The following DLGAP1 variants were observed in gnomAD, a reference collection of about 807,000 sequenced individuals.
The protein encoded by DLGAP1 is disks large-associated protein 1.
Under a neutral mutation model 90.8 loss-of-function variants are expected in DLGAP1, and 11 were observed. The ratio of observed to expected loss-of-function variants is 0.12; its 90% CI spans 0.08 to 0.20. The LOEUF (loss-of-function observed/expected upper bound fraction) is 0.20. Ranked by LOEUF, DLGAP1 falls within the 10% of genes least tolerant of loss-of-function variation. DLGAP1 has a pLI of 1.00. For synonymous variants in DLGAP1, 558 were observed against 540.7 expected (o/e 1.03, Z -0.44); for missense variants, 1,050 against 1,333.8 (o/e 0.79, Z 3.31).
intron 1 of DLGAP1, among the ~76,000 whole-genome samples, chr18:4,235,485 A>C (rs2078388976): frequency 6.6e-6 from 1 of 152,032 alleles, no homozygotes; most frequent in African/African-American, 2.4e-5. Context: ...TAATCCATGA[A>C]ATTATCTAAG....
intron 1 of DLGAP1, among the ~76,000 whole-genome samples, chr18:4,239,663 C>G (rs1168613045): frequency 6.6e-6 from 1 of 152,182 alleles, no homozygotes; most frequent in Non-Finnish European, 1.5e-5. Context: ...TGTAGCATCT[C>G]AACACCCGTT....
At chr18:4,156,237 T>C (rs2076753940) in intron 1 of DLGAP1, among the ~76,000 whole-genome samples, 1 of 152,196 alleles carries the variant, frequency 6.6e-6, no homozygotes, top group African/African-American at 2.4e-5. Context: ...GGTGGCTGGA[T>C]ATACAACACC....
At chr18:3,842,931 C>T (rs78446681) in intron 4 of DLGAP1, among the ~76,000 whole-genome samples, 5,221 of 152,242 alleles carry the variant, frequency 0.034, 130 homozygotes, top group Non-Finnish European at 0.053. Context: ...TTGTTCCTCG[C>T]CCAGTTAATT....
intron 5 of DLGAP1, among the ~76,000 whole-genome samples, chr18:3,771,899 C>T (rs570594905): frequency 6.6e-5 from 10 of 151,848 alleles, no homozygotes; most frequent in Admixed American, 5.9e-4. Flanking sequence ...AAATTTCTAA[C>T]GCTGAAAGAA....
At chr18:3,559,440 G>T (rs1241635361) in intron 9 of DLGAP1, among the ~76,000 whole-genome samples, 1 of 151,706 alleles carries the variant, frequency 6.6e-6, no homozygotes, top group Non-Finnish European at 1.5e-5. Flanking sequence ...TTTCACCTTT[G>T]TTCTTTCTTC....
intron 1 of DLGAP1, among the ~76,000 whole-genome samples, chr18:4,338,029 C>T (rs1017782775): frequency 1.3e-5 from 2 of 152,092 alleles, no homozygotes; most frequent in African/African-American, 4.8e-5. Context: ...TATCTCTCTG[C>T]TGTATTTAAG....
chr18:4,109,189 A>T (rs1206623559), intron 2 of DLGAP1, among the ~76,000 whole-genome samples: 2 of 151,990 alleles, frequency 1.3e-5, no homozygotes, highest in Non-Finnish European at 2.9e-5. Flanking sequence ...CCTTTGGGGA[A>T]GTGGTTGTGT....
chr18:3,699,834 C>T (rs903931317), intron 7 of DLGAP1, among the ~76,000 whole-genome samples: 2 of 152,196 alleles, frequency 1.3e-5, no homozygotes, highest in East Asian at 1.9e-4. Flanking sequence ...AGATGCCCTG[C>T]CCAGAGAGGA....
intron 3 of DLGAP1, among the ~76,000 whole-genome samples, chr18:3,911,312 T>G (rs545132618): frequency 6.6e-6 from 1 of 152,334 alleles, no homozygotes; most frequent in South Asian, 2.1e-4. Context: ...TTGCATAAAT[T>G]ATCTCAAATG....
intron 1 of DLGAP1, among the ~76,000 whole-genome samples, chr18:4,272,670 T>C (rs1029078811): frequency 1.3e-5 from 2 of 152,150 alleles, no homozygotes; most frequent in African/African-American, 4.8e-5. Context: ...TCAACATATA[T>C]AAAAGGATTT....
intron 1 of DLGAP1, among the ~76,000 whole-genome samples, chr18:4,413,577 T>C (rs1389656343): frequency 6.6e-6 from 1 of 152,156 alleles, no homozygotes; most frequent in Non-Finnish European, 1.5e-5. Flanking sequence ...TCAATCTCCA[T>C]CTCAGGATTG....
At position 3,772,368 on chromosome 18, in the gene DLGAP1, CTT is replaced by C. The variant is rs1210762270; in HGVS notation, c.1173-29858_1173-29857del. On this transcript the variant is annotated intron_variant, in intron 5 of 12. Transcript: ENST00000315677. ...TCTCTCTTTCTTTCTTTCTTTCTTT[CTT>C]TCTTTCTTTCTTTCTTTCTTTCTTT... Among the ~76,000 whole-genome samples, 20 of 13,164 alleles carry C rather than the reference CTT, an allele frequency of 1.5e-3. 1 individual carries two copies. Among genetic ancestry groups the C allele is most frequent in the Non-Finnish European group, 8.4e-4 (3 of 3,556 alleles). The allele number at this position is 13,164 out of a possible 152,430, so 8.6% of individuals were successfully genotyped here. A position where few individuals can be genotyped will look rare whatever the true frequency, so the allele number is the denominator to read the frequency against.
intron 10 of DLGAP1, among the ~76,000 whole-genome samples, chr18:3,520,412 T>C (rs1344791087): frequency 6.6e-6 from 1 of 152,228 alleles, no homozygotes; most frequent in Non-Finnish European, 1.5e-5. Flanking sequence ...CCCCCTGTTA[T>C]TCGCTGAATT....
chr18:3,992,105 C>T (rs1386366172), intron 3 of DLGAP1, among the ~76,000 whole-genome samples: 3 of 152,106 alleles, frequency 2.0e-5, no homozygotes, highest in Admixed American at 2.0e-4. Context: ...GGCTTCTTTC[C>T]CTGTGCCTTG....
chr18:3,595,598 G>C (rs2056533796), intron 7 of DLGAP1, among the ~76,000 whole-genome samples: 1 of 152,208 alleles, frequency 6.6e-6, no homozygotes, highest in South Asian at 2.1e-4. Context: ...AGAATCATTT[G>C]ACCAGTAGCT....
chr18:4,034,932 T>C (rs1314603089), intron 2 of DLGAP1, among the ~76,000 whole-genome samples: 1 of 152,160 alleles, frequency 6.6e-6, no homozygotes, highest in African/African-American at 2.4e-5. Context: ...AAAAGTCTTC[T>C]TGTTCTGTCC....
intron 1 of DLGAP1, among the ~76,000 whole-genome samples, chr18:4,162,036 A>T (rs1490144252): frequency 6.6e-6 from 1 of 152,178 alleles, no homozygotes; most frequent in Non-Finnish European, 1.5e-5. Context: ...ATGTATTCAT[A>T]CATTCAACAA....
Position 3,545,635 on chromosome 18 carries a change from T to A in DLGAP1, c.2058-11020A>T, listed in dbSNP as rs940123178. 3.3e-5 allele frequency among the ~76,000 whole-genome samples: 5 copies of A among 152,138 alleles called. No homozygotes were observed. The East Asian group carries it at 9.7e-4, about 29-fold the overall frequency. On this transcript the variant is annotated intron_variant, in intron 9 of 12. Transcript: ENST00000315677. ...ACTTTGGGAAGCTGAGGTGGGCAGA[T>A]CACTTGAGGCCAGGAGTTCGAGACC...
intron 3 of DLGAP1, among the ~76,000 whole-genome samples, chr18:3,916,667 A>G (rs1464522023): frequency 6.6e-6 from 1 of 152,132 alleles, no homozygotes; most frequent in Non-Finnish European, 1.5e-5. Flanking sequence ...AACATGCACA[A>G]TGTAATATCT....
Sources: allele counts gnomAD v4.1 joint callset (sites outside exome capture counted in the v4.1 genomes callset), GRCh38; gene constraint gnomAD v4.1.1; transcripts MANE v1.5; gene names NCBI Gene and HGNC (gene_info 2026-07-23, HGNC 2026-07-21).